Variants in EPB41L4A observed in about 807,000 individuals in gnomAD.
The protein encoded by EPB41L4A is erythrocyte membrane protein band 4.1 like 4A.
In EPB41L4A, 100 loss-of-function variants were observed where a neutral mutation model predicts 108.6. That is an observed-to-expected ratio of 0.92 (90% confidence interval 0.78 to 1.09). The LOEUF (loss-of-function observed/expected upper bound fraction) is 1.09. Among genes scored for constraint, EPB41L4A ranks in the 50% least tolerant of loss-of-function variants. EPB41L4A has a pLI of 0.00. For synonymous variants in EPB41L4A, 319 were observed against 289.0 expected, an observed-to-expected ratio of 1.10 and a Z score of -1.05; for missense variants, 1,030 against 842.7, an observed-to-expected ratio of 1.22 and a Z score of -2.75.
At chr5:112,322,699 GACACACACACAC>G (rs111502535) in intron 1 of EPB41L4A, among the ~76,000 whole-genome samples, 2 of 145,858 alleles carry the variant, frequency 1.4e-5, no homozygotes, top group Non-Finnish European at 3.0e-5. Flanking sequence ...TCCACTATGA[GACACACACACAC>G]ACACACACAC....
intron 1 of EPB41L4A, among the ~76,000 whole-genome samples, chr5:112,349,285 G>C (rs1757884355): frequency 6.6e-6 from 1 of 152,132 alleles, no homozygotes; most frequent in Non-Finnish European, 1.5e-5. Flanking sequence ...GGAGACTTGA[G>C]CAAAGTCCCC....
At position 112,210,002 on chromosome 5, in the gene EPB41L4A, A is replaced by T; in HGVS notation, c.1088-20T>A. ...TTGATTCTAGCAGAGGAGGAGAAGG[A>T]AAGATGGAAGAGAGAGGAAACAGTG... is the stretch of plus-strand genomic sequence containing the variant. On this transcript the variant is annotated intron_variant, in intron 12 of 22. Transcript: ENST00000261486. The T allele has an allele frequency of 7.1e-7, 1 of 1,412,286 alleles. No individual in the cohort carries two copies. Among genetic ancestry groups the T allele is most frequent in the Admixed American group, 1.8e-5 (1 of 55,242 alleles). 87.5% of individuals were successfully genotyped at this position (1,412,286 alleles called of 1,614,324 possible).
chr5:112,249,779 G>A (rs943299223), intron 9 of EPB41L4A: 1 of 152,126 alleles, frequency 6.6e-6, no homozygotes, highest in East Asian at 1.9e-4. Context: ...CAACACTAAG[G>A]TCTTGCGATA....
chr5:112,254,502 G>T (rs1286675129), intron 9 of EPB41L4A, among the ~76,000 whole-genome samples: 1 of 152,220 alleles, frequency 6.6e-6, no homozygotes, highest in East Asian at 1.9e-4. Context: ...CAGAGTTAAT[G>T]TAACACCCAA....
intron 1 of EPB41L4A, among the ~76,000 whole-genome samples, chr5:112,313,244 G>A (rs1011985536): frequency 2.0e-5 from 3 of 152,178 alleles, no homozygotes; most frequent in African/African-American, 7.2e-5. Flanking sequence ...TCTAAAAAGT[G>A]ACTAAAAACT....
chr5:112,153,905 C>T (rs1012872941), intron 12 of EPB41L4A, among the ~76,000 whole-genome samples: 1 of 151,712 alleles, frequency 6.6e-6, no homozygotes, highest in African/African-American at 2.4e-5. Context: ...ATATAACTTA[C>T]ATTCAAAAAG....
At chr5:112,307,560 C>G in intron 1 of EPB41L4A, 70 bp from the exon 2 acceptor site, 3 of 977,104 alleles carry the variant, frequency 3.1e-6, no homozygotes, top group Non-Finnish European at 4.7e-6. Context: ...AGTCATGGTT[C>G]TCATCTTTTA....
chr5:112,312,114 G>A (rs368134391), intron 1 of EPB41L4A, among the ~76,000 whole-genome samples: 5 of 152,270 alleles, frequency 3.3e-5, no homozygotes, highest in African/African-American at 1.2e-4. Flanking sequence ...TTCAAATAAA[G>A]ATAATAGATT....
intron 18 of EPB41L4A, among the ~76,000 whole-genome samples, chr5:112,172,665 A>G (rs1760650397): frequency 6.6e-6 from 1 of 152,182 alleles, no homozygotes; most frequent in Non-Finnish European, 1.5e-5. Context: ...GAAAGTGCTA[A>G]TATTAAAAAG....
At chr5:112,372,850 G>A (rs1044279779) in intron 1 of EPB41L4A, among the ~76,000 whole-genome samples, 5 of 152,164 alleles carry the variant, frequency 3.3e-5, no homozygotes, top group African/African-American at 1.2e-4. Flanking sequence ...AGCAATTCAG[G>A]CAAGAGATGA....
chr5:112,315,635 T>C (rs904268713), intron 1 of EPB41L4A, among the ~76,000 whole-genome samples: 4 of 152,194 alleles, frequency 2.6e-5, no homozygotes, highest in African/African-American at 2.4e-5. Flanking sequence ...ATAATTCCAA[T>C]AGACTCAATA....
chr5:112,364,044 T>A, intron 1 of EPB41L4A, among the ~76,000 whole-genome samples: 1 of 152,174 alleles, frequency 6.6e-6, no homozygotes, highest in East Asian at 1.9e-4. Flanking sequence ...TTCATTTATT[T>A]TTAGACGGAG....
At position 112,229,609 on chromosome 5, in the gene EPB41L4A, C is replaced by G. The variant is rs187538664; in HGVS notation, c.1087+5025G>C. On this transcript the variant is annotated intron_variant, in intron 12 of 22. Transcript: ENST00000261486. ...CAAAGTCCATTATATCATTCTTATG[C>G]CTTTGTGTCCTCATAGCTTAGCTCC... Among the ~76,000 whole-genome samples the G allele has an allele frequency of 1.1e-4, 17 of 152,108 alleles. No individual in the cohort carries two copies. In the East Asian group the frequency reaches 3.3e-3, roughly 29 times the overall value.
intron 12 of EPB41L4A, among the ~76,000 whole-genome samples, chr5:112,149,795 A>G (rs557096355): frequency 1.3e-5 from 2 of 152,310 alleles, no homozygotes; most frequent in South Asian, 4.2e-4. Flanking sequence ...GGCCACAAAT[A>G]AAAAATAACA....
chr5:112,159,175 T>G (rs531398402), downstream of EPB41L4A, among the ~76,000 whole-genome samples: 45 of 152,268 alleles, frequency 3.0e-4, no homozygotes, highest in African/African-American at 1.1e-3. Flanking sequence ...TTTTCTTTTT[T>G]TTTTAAACCA....
intron 4 of EPB41L4A, among the ~76,000 whole-genome samples, chr5:112,268,681 T>C (rs542854247): frequency 4.0e-5 from 6 of 151,078 alleles, no homozygotes; most frequent in Non-Finnish European, 7.4e-5. Context: ...GATAACCCCA[T>C]CTCTACAAAA....
intron 18 of EPB41L4A, chr5:112,175,334 C>A (rs1354360702): frequency 6.6e-6 from 1 of 152,216 alleles, no homozygotes; most frequent in African/African-American, 2.4e-5. Flanking sequence ...TAAACATCAA[C>A]TGTAGCTGAA....
chr5:112,306,381 A>G lies in EPB41L4A; in HGVS notation c.204+1005T>C, dbSNP rs377475194. Among the ~76,000 whole-genome samples the G allele has an allele frequency of 1.4e-4, 22 of 152,230 alleles. No homozygotes were observed. The East Asian group carries it at 2.9e-3, about 20-fold the overall frequency. On this transcript the variant is annotated intron_variant, in intron 2 of 22. Transcript: ENST00000261486. ...ATTCCTTTCTATGCAAAGCTATCCA[A>G]CATACCCAATTTTTCATTCCAACCT...
chr5:112,304,932 T>C (rs768177073), intron 2 of EPB41L4A, among the ~76,000 whole-genome samples: 8 of 152,186 alleles, frequency 5.3e-5, no homozygotes, highest in Admixed American at 1.3e-4. Context: ...CCAAGGCAGC[T>C]ATCCATTCCA....
Sources: gnomAD v4.1 joint callset for allele counts (sites outside exome capture counted in the v4.1 genomes callset) on GRCh38, gnomAD v4.1.1 for gene constraint, MANE v1.5 for transcripts, NCBI Gene and HGNC (gene_info 2026-07-23, HGNC 2026-07-21) for gene names.